ST8SIA1: variants seen among roughly 807,000 people sequenced by gnomAD.
ST8SIA1 encodes the protein ST8 alpha-N-acetyl-neuraminide alpha-2,8-sialyltransferase 1, also known as alpha-N-acetylneuraminide alpha-2,8-sialyltransferase.
A neutral mutation model predicts 35.9 loss-of-function variants in ST8SIA1; 16 were observed. The observed-to-expected ratio is 0.45, with a 90% CI of 0.30 to 0.68. The LOEUF (loss-of-function observed/expected upper bound fraction) is 0.68, where lower values mean the gene tolerates loss of function less well. Ranked by LOEUF, ST8SIA1 falls within the 30% of genes least tolerant of loss-of-function variation. The probability of loss-of-function intolerance (pLI) is 0.09; values close to 1 mark genes in which losing one functional copy is unlikely to be tolerated. For missense variants in ST8SIA1, 383 were observed against 453.6 expected (o/e 0.84, Z 1.41); for synonymous variants, 170 against 169.6 (o/e 1.00, Z -0.02).
intron 4 of ST8SIA1, among the ~76,000 whole-genome samples, chr12:22,217,624 G>A (rs1865248580): frequency 6.6e-6 from 1 of 152,070 alleles, no homozygotes; most frequent in Admixed American, 6.6e-5. Flanking sequence ...AATAATAATA[G>A]CGTGTATTTC....
chr12:22,273,388 C>G (rs959653483), intron 2 of ST8SIA1, among the ~76,000 whole-genome samples: 7 of 152,158 alleles, frequency 4.6e-5, no homozygotes, highest in Non-Finnish European at 8.8e-5. Flanking sequence ...TACAAGCTAC[C>G]TATTCTGAGC....
chr12:22,247,087 A>ATCTCCTTCCCTCCCTCCCTCG (rs1256717795), intron 4 of ST8SIA1, among the ~76,000 whole-genome samples: 1 of 71,604 alleles, frequency 1.4e-5, no homozygotes, highest in South Asian at 5.8e-4. Context: ...TCCCTCCCTC[A>ATCTCCTTCCCTCCCTCCCTCG]TCTCCTTCCC....
intron 4 of ST8SIA1, among the ~76,000 whole-genome samples, chr12:22,248,540 A>G (rs1591834193): frequency 1.3e-5 from 2 of 152,322 alleles, no homozygotes; most frequent in East Asian, 3.9e-4. Flanking sequence ...GTAATACAGT[A>G]TACTATAACC....
chr12:22,326,268 G>A (rs911972221), intron 1 of ST8SIA1: 1 of 178,924 alleles, frequency 5.6e-6, no homozygotes, highest in Non-Finnish European at 1.2e-5. Flanking sequence ...ATTGAAATCA[G>A]TTGATTTATT....
intron 1 of ST8SIA1, among the ~76,000 whole-genome samples, chr12:22,328,802 C>T (rs1866716660): frequency 6.6e-6 from 1 of 152,218 alleles, no homozygotes; most frequent in East Asian, 1.9e-4. Flanking sequence ...ATTTTAAACA[C>T]ATTATCTAAT....
chr12:22,297,037 G>A (rs1866254965), intron 1 of ST8SIA1, among the ~76,000 whole-genome samples: 1 of 151,992 alleles, frequency 6.6e-6, no homozygotes, highest in African/African-American at 2.4e-5. Flanking sequence ...CATGGCCCAC[G>A]GTGCTCCTGA....
chr12:22,313,046 G>A (rs1457328429), intron 1 of ST8SIA1, among the ~76,000 whole-genome samples: 1 of 152,092 alleles, frequency 6.6e-6, no homozygotes, highest in African/African-American at 2.4e-5. Flanking sequence ...AAATGCGCTG[G>A]TAGAGTCCGA....
At chr12:22,309,704 G>A (rs1416790833) in intron 1 of ST8SIA1, among the ~76,000 whole-genome samples, 1 of 152,210 alleles carries the variant, frequency 6.6e-6, no homozygotes, top group South Asian at 2.1e-4. Context: ...CTTTCAGGCT[G>A]CAACACTTTA....
rs1451233431 is a variant in ST8SIA1 at position 22,200,329 on chromosome 12, A to T, written c.*1223T>A. ...CATTTGTGATTCTCCAACACTGGTT[A>T]CAAATTTTTGCCATACCAGGTCATA... On this transcript the variant is annotated 3_prime_UTR_variant, in exon 5 of 5. Coordinates refer to ENST00000396037, the MANE Select transcript of ST8SIA1 (RefSeq NM_003034.4). 6.6e-6 allele frequency: 1 copy of T among 152,230 alleles called. No individual in the cohort carries two copies. The allele number at this position is 152,230 out of a possible 1,614,324, so 9.4% of individuals were successfully genotyped here.
intron 4 of ST8SIA1, among the ~76,000 whole-genome samples, chr12:22,230,756 A>G (rs1236607113): frequency 6.6e-6 from 1 of 152,158 alleles, no homozygotes; most frequent in Non-Finnish European, 1.5e-5. Context: ...TTGAGTTGAG[A>G]AGATCTGAAT....
At chr12:22,209,076 T>C (rs1865147244) in intron 4 of ST8SIA1, among the ~76,000 whole-genome samples, 1 of 152,120 alleles carries the variant, frequency 6.6e-6, no homozygotes, top group Non-Finnish European at 1.5e-5. Context: ...GGCAATTCCT[T>C]AGCAAAATCC....
chr12:22,321,521 C>T (rs966554312), intron 1 of ST8SIA1, among the ~76,000 whole-genome samples: 7 of 152,216 alleles, frequency 4.6e-5, no homozygotes, highest in Admixed American at 4.6e-4. Flanking sequence ...CCTAGAGGTT[C>T]TAGAGCCTGA....
chr12:22,274,494 T>C (rs1380956600), intron 2 of ST8SIA1, among the ~76,000 whole-genome samples: 12 of 152,170 alleles, frequency 7.9e-5, no homozygotes, highest in Admixed American at 7.9e-4. Flanking sequence ...ATCAGCTCCA[T>C]CCAATAACAA....
intron 4 of ST8SIA1, among the ~76,000 whole-genome samples, chr12:22,212,522 C>T (rs1865186569): frequency 6.6e-6 from 1 of 152,164 alleles, no homozygotes; most frequent in African/African-American, 2.4e-5. Flanking sequence ...CAGGAAAGTA[C>T]TTTGCCAGAT....
intron 1 of ST8SIA1, among the ~76,000 whole-genome samples, chr12:22,293,583 A>G (rs1039736380): frequency 2.0e-5 from 3 of 152,228 alleles, no homozygotes; most frequent in African/African-American, 7.2e-5. Flanking sequence ...CATGACTGAA[A>G]ATGTTCCCAA....
intron 4 of ST8SIA1, among the ~76,000 whole-genome samples, chr12:22,224,598 T>C (rs1865335387): frequency 6.6e-6 from 1 of 152,176 alleles, no homozygotes; most frequent in African/African-American, 2.4e-5. Flanking sequence ...TCTGATGCAA[T>C]TTTTTCCCAA....
In ST8SIA1 at chr12:22,197,276, C is replaced by T. The variant is rs1865000614; in HGVS notation, c.*4276G>A. ...CAAGTTTGCGTCAAGTTCACATAAA[C>T]GTCCTTACAGCTTTTGATCTTTGGA... is the stretch of plus-strand genomic sequence containing the variant. On this transcript the variant is annotated 3_prime_UTR_variant, in exon 5 of 5. Transcript: ENST00000396037. The T allele has an allele frequency of 1.3e-5, 2 of 152,316 alleles. No homozygotes were observed. Among genetic ancestry groups the T allele is most frequent in the South Asian group, 2.1e-4 (1 of 4,830 alleles). 9.4% of individuals were successfully genotyped at this position (152,316 alleles called of 1,614,324 possible).
rs147071267 is a variant in ST8SIA1, at chr12:22,204,492, T to A, written c.585-2454A>T. 8.6e-3 allele frequency among the ~76,000 whole-genome samples: 1,304 copies of A among 152,258 alleles called. 10 individuals carry two copies. Among genetic ancestry groups the A allele is most frequent in the Middle Eastern group, 0.024 (7 of 294 alleles). ...TGCTTTCCTTGCTTCCTTCCATTCC[T>A]CCTTATTCCTGTACAGAATGGCTCC... On this transcript the variant is annotated intron_variant, in intron 4 of 4. Transcript: ENST00000396037.
At chr12:22,234,965 T>C (rs2120706373) in intron 4 of ST8SIA1, among the ~76,000 whole-genome samples, 1 of 152,338 alleles carries the variant, frequency 6.6e-6, no homozygotes, top group East Asian at 1.9e-4. Context: ...CCCACTAATT[T>C]ATATTCTGAC....
Sources: allele counts gnomAD v4.1 joint callset (sites outside exome capture counted in the v4.1 genomes callset), GRCh38; gene constraint gnomAD v4.1.1; transcripts MANE v1.5; gene names NCBI Gene and HGNC (gene_info 2026-07-23, HGNC 2026-07-21).